The following ERCC6L variants were observed in gnomAD, a reference collection of about 807,000 sequenced individuals.
ERCC6L encodes ERCC excision repair 6 like, spindle assembly checkpoint helicase, also known as DNA excision repair protein ERCC-6-like.
A neutral mutation model predicts 20.1 loss-of-function variants in ERCC6L; 7 were observed. The observed-to-expected ratio is 0.35, with a 90% CI of 0.20 to 0.65. The LOEUF (loss-of-function observed/expected upper bound fraction) is 0.65. Among genes scored for constraint, ERCC6L ranks in the 30% least tolerant of loss-of-function variants. ERCC6L has a pLI of 0.69. For synonymous variants in ERCC6L, 278 were observed against 331.3 expected (o/e 0.84, Z 1.75); for missense variants, 592 against 892.4 (o/e 0.66, Z 4.29).
chrX:72,209,087 T>C (rs1158519836), intron 1 of ERCC6L, among the ~76,000 whole-genome samples: 1 of 111,558 alleles, frequency 9.0e-6, no homozygotes, highest in Non-Finnish European at 1.9e-5. Context: ...TTTAACAGTA[T>C]TGATCACTCC....
Position 72,207,402 on chromosome X carries a change from C to T in ERCC6L, c.1365G>A (p.Leu455=). The T allele has an allele frequency of 8.3e-7, 1 of 1,211,300 alleles. No homozygotes were observed. The highest frequency in any genetic ancestry group is 1.1e-6 in the Non-Finnish European group (1 of 895,325). Residue 455 remains leucine (L), a synonymous_variant, in exon 2 of 2, where the codon TTG becomes TTA. Transcript: ENST00000334463. ...DHIDQVTDDT[L]MEESGKMIFL... is the part of the protein sequence containing the mutation. ...ATATCATTTTTCCAGATTCTTCCAT[C>T]AATGTGTCATCAGTTACTTGATCAA...
chrX:72,238,918 C>T lies in ERCC6L; in HGVS notation c.-7G>A, dbSNP rs757328589. The stretch of plus-strand genomic sequence containing the variant: ...ACCTTCGGGATGCCTCCATGACCCT[C>T]GGATTGGGTTCCAGTTACCCCGGCG... On this transcript the variant is annotated 5_prime_UTR_variant, in exon 1 of 2. Coordinates refer to ENST00000334463, the MANE Select transcript of ERCC6L (RefSeq NM_017669.4). The T allele has an allele frequency of 1.0e-5, 12 of 1,187,124 alleles. No individual in the cohort carries two copies. The African/African-American group carries it at 1.2e-4, about 12-fold the overall frequency.
chrX:72,236,226 G>A (rs2043016340), intron 1 of ERCC6L, among the ~76,000 whole-genome samples: 3 of 112,105 alleles, frequency 2.7e-5, no homozygotes, highest in South Asian at 7.5e-4. Context: ...GCCTGAGTTG[G>A]GAGGATCACT....
At chrX:72,238,005 G>A (rs1239966846) in intron 1 of ERCC6L, 1 of 111,226 alleles carries the variant, frequency 9.0e-6, no homozygotes, top group Non-Finnish European at 1.9e-5. Context: ...ATGGTTGCTA[G>A]GGGCTGAAGG....
At chrX:72,222,755 G>A (rs780785735) in intron 1 of ERCC6L, among the ~76,000 whole-genome samples, 11 of 108,875 alleles carry the variant, frequency 1.0e-4, no homozygotes, top group East Asian at 5.9e-4. Context: ...GTGTCACCAC[G>A]CCCAGCTAAT....
At chrX:72,211,434 T>C (rs998947862) in intron 1 of ERCC6L, among the ~76,000 whole-genome samples, 2 of 111,916 alleles carry the variant, frequency 1.8e-5, no homozygotes, top group African/African-American at 6.5e-5. Flanking sequence ...AAAAATTTTA[T>C]GTTTAAATGG....
At chrX:72,225,487 C>CA (rs2042948940) in intron 1 of ERCC6L, among the ~76,000 whole-genome samples, 1 of 112,144 alleles carries the variant, frequency 8.9e-6, no homozygotes. Context: ...TTAACCTCTC[C>CA]AAAAGTCTCA....
chrX:72,227,300 A>G (rs1344237811), intron 1 of ERCC6L, among the ~76,000 whole-genome samples: 4 of 111,632 alleles, frequency 3.6e-5, no homozygotes, highest in Admixed American at 1.9e-4. Context: ...CAACACTTGC[A>G]CCAGCTCTAC....
At chrX:72,217,244 A>G (rs2042891623) in intron 1 of ERCC6L, among the ~76,000 whole-genome samples, 1 of 110,953 alleles carries the variant, frequency 9.0e-6, no homozygotes, top group African/African-American at 3.3e-5. Context: ...GAGTTCAACA[A>G]CCCTGCCTGC....
intron 1 of ERCC6L, among the ~76,000 whole-genome samples, chrX:72,209,950 C>T (rs755212952): frequency 2.8e-4 from 31 of 110,420 alleles, no homozygotes; most frequent in African/African-American, 9.9e-4. Context: ...GATCATAGAT[C>T]TAAATCTAAG....
intron 1 of ERCC6L, among the ~76,000 whole-genome samples, chrX:72,216,564 A>G (rs146574060): frequency 2.1e-3 from 236 of 111,865 alleles, no homozygotes; most frequent in African/African-American, 7.1e-3. Flanking sequence ...CCATTAAGCT[A>G]TAACTCCCCA....
intron 1 of ERCC6L, among the ~76,000 whole-genome samples, chrX:72,223,213 G>T (rs775759149): frequency 2.0e-4 from 20 of 100,925 alleles, no homozygotes; most frequent in Admixed American, 1.1e-4. Context: ...GGTGGCAGGC[G>T]CCTGTAATCC....
chrX:72,219,830 A>G (rs1038599056), intron 1 of ERCC6L, among the ~76,000 whole-genome samples: 2 of 102,327 alleles, frequency 2.0e-5, no homozygotes, highest in Non-Finnish European at 4.0e-5. Context: ...GCCTGGCGAC[A>G]CAGTGAGACT....
chrX:72,212,169 C>T (rs1178557268), intron 1 of ERCC6L, among the ~76,000 whole-genome samples: 2 of 109,501 alleles, frequency 1.8e-5, no homozygotes, highest in African/African-American at 6.7e-5. Context: ...CCCAGCTACT[C>T]GGGAGGCTGA....
chrX:72,226,176 G>A (rs757972058), intron 1 of ERCC6L, among the ~76,000 whole-genome samples: 2 of 111,355 alleles, frequency 1.8e-5, no homozygotes, highest in Non-Finnish European at 3.8e-5. Flanking sequence ...TTTAGACACT[G>A]ACCAACACTC....
chrX:72,238,401 G>A (rs2043029625), intron 1 of ERCC6L, among the ~76,000 whole-genome samples: 1 of 111,405 alleles, frequency 9.0e-6, no homozygotes, highest in Admixed American at 9.6e-5. Context: ...TGCCAACACT[G>A]TGCCCTGCAC....
At chrX:72,233,376 G>C (rs1406110314) in intron 1 of ERCC6L, among the ~76,000 whole-genome samples, 1 of 111,729 alleles carries the variant, frequency 9.0e-6, no homozygotes, top group Non-Finnish European at 1.9e-5. Flanking sequence ...AGAAGTTCAA[G>C]AAACATAAAA....
intron 1 of ERCC6L, among the ~76,000 whole-genome samples, chrX:72,222,651 G>T (rs146905599): frequency 0.018 from 1,828 of 100,087 alleles, 25 homozygotes; most frequent in African/African-American, 0.052. Context: ...AGGTTGGAAC[G>T]CAGTAGCGCG....
intron 1 of ERCC6L, among the ~76,000 whole-genome samples, chrX:72,229,108 A>C: frequency 9.1e-6 from 1 of 110,204 alleles, no homozygotes; most frequent in Admixed American, 9.7e-5. Flanking sequence ...AAGCCTCAAG[A>C]CTCTCCCATT....
Sources: gnomAD v4.1 joint callset for allele counts (sites outside exome capture counted in the v4.1 genomes callset) on GRCh38, gnomAD v4.1.1 for gene constraint, MANE v1.5 for transcripts, NCBI Gene and HGNC (gene_info 2026-07-23, HGNC 2026-07-21) for gene names.